FGFR1OP2: variants seen among roughly 807,000 people sequenced by gnomAD.
The protein encoded by FGFR1OP2 is fibroblast growth factor receptor 1 oncogene partner 2.
FGFR1OP2 carries 17 observed loss-of-function variants against 35.2 expected under a neutral mutation model. The ratio of observed to expected loss-of-function variants is 0.48; its 90% confidence interval spans 0.33 to 0.73. FGFR1OP2 has a LOEUF of 0.73. Ranked by LOEUF, FGFR1OP2 falls within the 30% of genes least tolerant of loss-of-function variation. The probability of loss-of-function intolerance (pLI) is 0.02; values close to 1 mark genes in which losing one functional copy is unlikely to be tolerated. For missense variants in FGFR1OP2, 251 were observed against 307.3 expected, an observed-to-expected ratio of 0.82 and a Z score of 1.37; for synonymous variants, 105 against 104.6, an observed-to-expected ratio of 1.00 and a Z score of -0.03.
chr12:26,944,890 TTATAA>T (rs1201273743), intron 1 of FGFR1OP2, among the ~76,000 whole-genome samples: 1 of 152,186 alleles, frequency 6.6e-6, no homozygotes, highest in African/African-American at 2.4e-5. Context: ...CTTAAAATAA[TTATAA>T]TAGGATTATT....
chr12:26,939,275 G>A (rs1938663776), intron 1 of FGFR1OP2, among the ~76,000 whole-genome samples: 1 of 140,762 alleles, frequency 7.1e-6, no homozygotes, highest in Non-Finnish European at 1.6e-5. Flanking sequence ...TGCCCCCTCT[G>A]CCCCCCGCCC....
chr12:26,952,870 G>T (rs539298890), intron 1 of FGFR1OP2, among the ~76,000 whole-genome samples: 7 of 152,108 alleles, frequency 4.6e-5, no homozygotes, highest in Non-Finnish European at 1.0e-4. Context: ...TTCTGTAGAC[G>T]TGGCTTCTGG....
At position 26,965,047 on chromosome 12, in the gene FGFR1OP2, C is replaced by T; in HGVS notation, c.*314C>T. ...ATTAATTAGGTAAACTTGAATATTC[C>T]CAGTAAATGTTTGAGAATGCATAAA... On this transcript the variant is annotated 3_prime_UTR_variant, in exon 7 of 7. Transcript: ENST00000229395. The T allele has an allele frequency of 4.8e-6, 1 of 208,988 alleles. No homozygotes were observed. 12.9% of individuals were successfully genotyped at this position (208,988 alleles called of 1,614,324 possible). A position where few individuals can be genotyped will look rare whatever the true frequency, so the allele number is the denominator to read the frequency against.
In FGFR1OP2 at chr12:26,957,698, A is replaced by T. The variant is rs755034016; in HGVS notation, c.351A>T (p.Lys117Asn). The change falls in exon 4 of 7, where the codon AAA becomes AAT. Residue 117 changes from lysine to asparagine, a missense_variant. Transcript: ENST00000229395. ...QMFRLLMASK[K>N]DDPGIIMKLK... Reference sequence around the variant, plus strand: ...TTAGATTGCTAATGGCTAGCAAAAAAGATGATCCGGGTATAATAATGAAGT... The same window carrying T: ...TTAGATTGCTAATGGCTAGCAAAAATGATGATCCGGGTATAATAATGAAGT... The T allele has an allele frequency of 6.2e-7, 1 of 1,613,794 alleles. No individual in the cohort carries two copies.
chr12:26,943,796 G>T (rs904524190), intron 1 of FGFR1OP2, among the ~76,000 whole-genome samples: 2 of 152,112 alleles, frequency 1.3e-5, no homozygotes, highest in African/African-American at 4.8e-5. Context: ...CTGCACTCCA[G>T]CAGCCTGGGC....
chr12:26,953,115 T>A (rs1449318928), intron 1 of FGFR1OP2, among the ~76,000 whole-genome samples: 1 of 151,522 alleles, frequency 6.6e-6, no homozygotes, highest in African/African-American at 2.4e-5. Flanking sequence ...TACAAAAAAA[T>A]GAGCCAGGCG....
At chr12:26,942,253 G>A (rs373892007) in intron 1 of FGFR1OP2, among the ~76,000 whole-genome samples, 2 of 152,040 alleles carry the variant, frequency 1.3e-5, no homozygotes, top group African/African-American at 2.4e-5. Flanking sequence ...GGCTGGTCTC[G>A]ATCTCCTGAC....
chr12:26,957,857 A>T, intron 4 of FGFR1OP2, 114 bp downstream of exon 4: 1 of 763,330 alleles, frequency 1.3e-6, no homozygotes, highest in Non-Finnish European at 1.9e-6. Context: ...TTTTAACATG[A>T]TGTTGAATGT....
chr12:26,959,401 T>C (rs1939070709), intron 4 of FGFR1OP2, among the ~76,000 whole-genome samples: 1 of 152,118 alleles, frequency 6.6e-6, no homozygotes, highest in Non-Finnish European at 1.5e-5. Flanking sequence ...ATTTGTAAGA[T>C]AAATATAATC....
intron 1 of FGFR1OP2, among the ~76,000 whole-genome samples, chr12:26,952,594 A>G (rs1938950189): frequency 6.6e-6 from 1 of 152,086 alleles, no homozygotes; most frequent in African/African-American, 2.4e-5. Flanking sequence ...AACAGGAGAA[A>G]GTCTTCTGAA....
chr12:26,954,229 A>T lies in FGFR1OP2; in HGVS notation c.71A>T (p.Asp24Val). The T allele has an allele frequency of 6.2e-7, 1 of 1,612,860 alleles. No individual in the cohort carries two copies. Among genetic ancestry groups the T allele is most frequent in the Non-Finnish European group, 8.5e-7 (1 of 1,179,244 alleles). ...ALVERLRDHD[D>V]AAESLIEQTT... ...GTTGAAAGATTAAGAGATCATGACG[A>T]TGCAGCAGAATCTCTGATTGAGCAA... Residue 24 changes from aspartate to valine, a missense_variant, in exon 2 of 7, where the codon GAT (aspartate) becomes GTT (valine). Coordinates refer to ENST00000229395, the MANE Select transcript of FGFR1OP2 (RefSeq NM_015633.3).
intron 1 of FGFR1OP2, among the ~76,000 whole-genome samples, chr12:26,940,744 C>A (rs935534602): frequency 3.9e-5 from 6 of 152,174 alleles, no homozygotes; most frequent in African/African-American, 1.2e-4. Context: ...AGTGTCCAAT[C>A]AGTAAACATT....
chr12:26,960,857 A>G (rs979419332), intron 5 of FGFR1OP2: 3 of 480,566 alleles, frequency 6.2e-6, no homozygotes, highest in Admixed American at 4.2e-5. Flanking sequence ...TGCAGGTTTT[A>G]TAGGTTATTC....
chr12:26,950,213 G>GTTTGT (rs1938899353), intron 1 of FGFR1OP2, among the ~76,000 whole-genome samples: 4 of 50,934 alleles, frequency 7.9e-5, no homozygotes, highest in Non-Finnish European at 1.0e-4. Context: ...TGTATTCGTT[G>GTTTGT]TTTTTTTTTT....
In FGFR1OP2 at chr12:26,938,621, A is replaced by T. The variant is rs1565843682; in HGVS notation, c.-104A>T. Reference sequence around the variant, plus strand: ...GAGGAGGCGGATTAGGGGGGCGCGGAGTCTCTTCCCTTGAGTGCATAGGTC... The same window carrying T: ...GAGGAGGCGGATTAGGGGGGCGCGGTGTCTCTTCCCTTGAGTGCATAGGTC... On this transcript the variant is annotated 5_prime_UTR_variant, in exon 1 of 7. Transcript: ENST00000229395. 1 of 152,298 alleles carries T rather than the reference A, an allele frequency of 6.6e-6. No homozygotes were observed. The highest frequency in any genetic ancestry group is 1.5e-5 in the Non-Finnish European group (1 of 68,116). The allele number at this position is 152,298 out of a possible 1,614,324, so 9.4% of individuals were successfully genotyped here.
chr12:26,947,406 T>C (rs886332720), intron 1 of FGFR1OP2, among the ~76,000 whole-genome samples: 6 of 152,170 alleles, frequency 3.9e-5, no homozygotes, highest in Non-Finnish European at 8.8e-5. Flanking sequence ...TATATCCTCT[T>C]TTCCATCCTT....
At chr12:26,959,946 T>C (rs1369241626) in intron 4 of FGFR1OP2, among the ~76,000 whole-genome samples, 1 of 151,966 alleles carries the variant, frequency 6.6e-6, no homozygotes, top group Non-Finnish European at 1.5e-5. Context: ...CCAAAGTAGA[T>C]GAATTGTTAC....
chr12:26,947,999 G>T (rs1215513857), intron 1 of FGFR1OP2, among the ~76,000 whole-genome samples: 3 of 151,874 alleles, frequency 2.0e-5, no homozygotes, highest in African/African-American at 4.8e-5. Flanking sequence ...TTATTTTAGG[G>T]ATTTATTAGG....
At chr12:26,964,524 C>A in intron 6 of FGFR1OP2, 72 bp from the exon 7 acceptor site, 1 of 1,523,022 alleles carries the variant, frequency 6.6e-7, no homozygotes, top group South Asian at 1.2e-5. Context: ...TCAGTTTTTC[C>A]TAACATATGT....
Sources: gnomAD v4.1 joint callset for allele counts (sites outside exome capture counted in the v4.1 genomes callset) on GRCh38, gnomAD v4.1.1 for gene constraint, MANE v1.5 for transcripts, NCBI Gene and HGNC (gene_info 2026-07-23, HGNC 2026-07-21) for gene names.